Variants in FRMPD4 observed in about 807,000 individuals in gnomAD.
The protein encoded by FRMPD4 is FERM and PDZ domain-containing protein 4.
Under a neutral mutation model 94.1 loss-of-function variants are expected in FRMPD4, and 22 were observed. The observed-to-expected ratio is 0.23, with a 90% confidence interval of 0.17 to 0.33. FRMPD4 has a LOEUF of 0.33. Ranked by LOEUF, FRMPD4 falls within the 10% of genes least tolerant of loss-of-function variation. FRMPD4 has a pLI of 1.00. For synonymous variants in FRMPD4, 631 were observed against 548.6 expected (o/e 1.15, Z -2.10); for missense variants, 1,111 against 1,339.9 (o/e 0.83, Z 2.67).
chrX:12,658,957 C>T (rs1335164107), intron 4 of FRMPD4, among the ~76,000 whole-genome samples: 2 of 112,260 alleles, frequency 1.8e-5, no homozygotes, highest in Admixed American at 1.9e-4. Flanking sequence ...TCCTCTGCTC[C>T]AAACTCACAG....
intron 1 of FRMPD4, among the ~76,000 whole-genome samples, chrX:12,409,829 G>C (rs184248062): frequency 1.2e-4 from 13 of 111,488 alleles, no homozygotes; most frequent in Non-Finnish European, 2.3e-4. Context: ...TACTGTTCGT[G>C]GGGGTAGGGG....
chrX:12,152,923 A>ATTTTTTTTTTTTT (rs11432329), intron 1 of FRMPD4, among the ~76,000 whole-genome samples: 1 of 75,753 alleles, frequency 1.3e-5, no homozygotes, highest in Non-Finnish European at 2.4e-5. Flanking sequence ...AAGCTTATAC[A>ATTTTTTTTTTTTT]TTTTTTTTTT....
At chrX:11,984,523 T>C (rs2054416501) in intron 3 of FRMPD4, among the ~76,000 whole-genome samples, 1 of 112,663 alleles carries the variant, frequency 8.9e-6, no homozygotes, top group Admixed American at 9.4e-5. Flanking sequence ...CTGGGTGCAA[T>C]GGTTTTGCTG....
chrX:12,055,969 C>T (rs959707003), intron 3 of FRMPD4, among the ~76,000 whole-genome samples: 26 of 111,640 alleles, frequency 2.3e-4, no homozygotes, highest in African/African-American at 8.5e-4. Context: ...TAAAATTTCC[C>T]AAGTTCCTCC....
intron 13 of FRMPD4, among the ~76,000 whole-genome samples, chrX:12,709,330 A>C (rs995287545): frequency 1.8e-5 from 2 of 111,707 alleles, no homozygotes; most frequent in African/African-American, 6.5e-5. Flanking sequence ...GCCTCTCTTC[A>C]TATCTGCTTT....
intron 3 of FRMPD4, among the ~76,000 whole-genome samples, chrX:12,038,511 T>C (rs1188901768): frequency 8.9e-6 from 1 of 112,310 alleles, no homozygotes; most frequent in African/African-American, 3.2e-5. Context: ...CAGTGTCTAT[T>C]GAAGAAAAAC....
chrX:12,341,343 AT>A (rs1280981290), intron 1 of FRMPD4, among the ~76,000 whole-genome samples: 2 of 107,657 alleles, frequency 1.9e-5, no homozygotes, highest in East Asian at 2.9e-4. Context: ...ACCTTGAACC[AT>A]TTTTTTTTTC....
chrX:12,030,462 T>C (rs1216988367), intron 3 of FRMPD4, among the ~76,000 whole-genome samples: 1 of 111,608 alleles, frequency 9.0e-6, no homozygotes, highest in Non-Finnish European at 1.9e-5. Context: ...GAAACCCTCA[T>C]CTTGAGCTAT....
intron 2 of FRMPD4, among the ~76,000 whole-genome samples, chrX:12,510,079 A>G (rs758086117): frequency 5.8e-4 from 65 of 112,193 alleles, no homozygotes; most frequent in Non-Finnish European, 9.8e-4. Flanking sequence ...AATCTGTATC[A>G]TCTGGGAATC....
At chrX:12,006,263 T>C (rs1386492419) in intron 3 of FRMPD4, among the ~76,000 whole-genome samples, 1 of 112,609 alleles carries the variant, frequency 8.9e-6, no homozygotes, top group Non-Finnish European at 1.9e-5. Context: ...TATAAATTCT[T>C]ATGATGGAAG....
At chrX:12,553,466 A>ATATATATATCTC (rs368999462) in intron 2 of FRMPD4, among the ~76,000 whole-genome samples, 2 of 78,093 alleles carry the variant, frequency 2.6e-5, no homozygotes, top group Non-Finnish European at 4.7e-5. Context: ...ATATATATAT[A>ATATATATATCTC]TCTAATCCAC....
At chrX:12,558,652 ATT>A (rs60404633) in intron 2 of FRMPD4, among the ~76,000 whole-genome samples, 1 of 109,244 alleles carries the variant, frequency 9.2e-6, no homozygotes, top group South Asian at 3.9e-4. Context: ...GAATGCATGG[ATT>A]TTTTTTTTCC....
At position 12,613,557 on chromosome X, in the gene FRMPD4, A is replaced by T. The variant is rs150269388; in HGVS notation, c.320-1222A>T. ...CTCCCTTCTTGGAAACAACGGAAAG[A>T]GAAAAGGGCCAGGCACAGTGGCTCA... On this transcript the variant is annotated intron_variant, in intron 3 of 16. Coordinates refer to ENST00000675598, the MANE Select transcript of FRMPD4 (RefSeq NM_001368397.1). Among the ~76,000 whole-genome samples, 365 of 112,782 alleles carry T rather than the reference A, an allele frequency of 3.2e-3. 1 individual carries two copies. Among genetic ancestry groups the T allele is most frequent in the African/African-American group, 0.012 (360 of 31,115 alleles).
intron 3 of FRMPD4, among the ~76,000 whole-genome samples, chrX:12,104,224 T>C (rs1402921349): frequency 8.9e-6 from 1 of 112,776 alleles, no homozygotes; most frequent in African/African-American, 3.2e-5. Context: ...TTCTCAATAC[T>C]GTTATAATGG....
chrX:12,408,925 TC>T (rs2056698683), intron 1 of FRMPD4, among the ~76,000 whole-genome samples: 1 of 110,305 alleles, frequency 9.1e-6, no homozygotes. Flanking sequence ...AGAGAGAATA[TC>T]CCCCCCTTGG....
chrX:12,720,068 AAGAAAGAAAGAAAG>A (rs2042204915), intron 16 of FRMPD4, among the ~76,000 whole-genome samples: 1 of 108,780 alleles, frequency 9.2e-6, no homozygotes, highest in Non-Finnish European at 1.9e-5. Context: ...GAAAGAAAGA[AAGAAAGAAAGAAAG>A]AGAAAGAAAG....
intron 1 of FRMPD4, among the ~76,000 whole-genome samples, chrX:12,441,735 GTC>G (rs770358226): frequency 8.9e-6 from 1 of 112,051 alleles, no homozygotes; most frequent in Non-Finnish European, 1.9e-5. Context: ...ATAGAACAAG[GTC>G]TCTCAATTCT....
At chrX:12,429,287 G>A (rs1430127004) in intron 1 of FRMPD4, among the ~76,000 whole-genome samples, 1 of 111,866 alleles carries the variant, frequency 8.9e-6, no homozygotes, top group Non-Finnish European at 1.9e-5. Context: ...CATCTCCACT[G>A]ATTGTGGAAG....
chrX:12,473,550 G>T (rs753114955), intron 1 of FRMPD4, among the ~76,000 whole-genome samples: 1 of 109,850 alleles, frequency 9.1e-6, no homozygotes, highest in South Asian at 3.8e-4. Context: ...ACCCATCAGT[G>T]TGCTCTATTC....
Sources: allele counts gnomAD v4.1 joint callset (sites outside exome capture counted in the v4.1 genomes callset), GRCh38; gene constraint gnomAD v4.1.1; transcripts MANE v1.5; gene names NCBI Gene and HGNC (gene_info 2026-07-23, HGNC 2026-07-21).